The following NAV2 variants were observed in gnomAD, a reference collection of about 807,000 sequenced individuals.
The protein encoded by NAV2 is neuron navigator 2, also known as helicase, APC down-regulated 1.
NAV2 carries 54 observed loss-of-function variants against 223.2 expected under a neutral mutation model. The observed-to-expected ratio is 0.24, with a 90% CI of 0.19 to 0.30. The LOEUF (loss-of-function observed/expected upper bound fraction) is 0.30, where lower values mean the gene tolerates loss of function less well. Among genes scored for constraint, NAV2 ranks in the 10% least tolerant of loss-of-function variants. NAV2 has a pLI of 1.00. For missense variants in NAV2, 2,806 were observed against 3,147.5 expected, an observed-to-expected ratio of 0.89 and a Z score of 2.60; for synonymous variants, 1,279 against 1,239.3, an observed-to-expected ratio of 1.03 and a Z score of -0.67.
intron 6 of NAV2, among the ~76,000 whole-genome samples, chr11:19,921,141 A>G (rs1013128910): frequency 2.0e-5 from 3 of 152,208 alleles, no homozygotes; most frequent in Non-Finnish European, 4.4e-5. Flanking sequence ...TGTGTGGATC[A>G]GTCACATCCG....
At chr11:19,544,730 G>A (rs567466427) in intron 1 of NAV2, among the ~76,000 whole-genome samples, 58 of 152,326 alleles carry the variant, frequency 3.8e-4, no homozygotes, top group African/African-American at 1.4e-3. Context: ...AAAGTAAGAA[G>A]GGAATTAGGG....
intron 1 of NAV2, among the ~76,000 whole-genome samples, chr11:19,707,712 T>C (rs1012753330): frequency 6.6e-6 from 1 of 152,202 alleles, no homozygotes; most frequent in African/African-American, 2.4e-5. Flanking sequence ...ATCAAGTATT[T>C]ATCATCAACT....
intron 1 of NAV2, chr11:19,575,214 G>A (rs1380769113): frequency 6.5e-6 from 1 of 153,874 alleles, no homozygotes; most frequent in East Asian, 1.9e-4. Flanking sequence ...ACAGATGCTG[G>A]TTTAAATTAG....
chr11:19,397,115 C>T (rs1332098233), intron 1 of NAV2, among the ~76,000 whole-genome samples: 1 of 152,002 alleles, frequency 6.6e-6, no homozygotes, highest in Non-Finnish European at 1.5e-5. Context: ...TTGGCATGGC[C>T]GGGAGAAAAC....
chr11:19,570,775 A>C (rs1197664361), intron 1 of NAV2, among the ~76,000 whole-genome samples: 2 of 152,240 alleles, frequency 1.3e-5, no homozygotes, highest in African/African-American at 4.8e-5. Flanking sequence ...ATTTTTAAAA[A>C]ATTGAAAATA....
chr11:20,026,678 A>G (rs996200218), intron 11 of NAV2, among the ~76,000 whole-genome samples: 8 of 152,232 alleles, frequency 5.3e-5, no homozygotes, highest in Admixed American at 1.3e-4. Flanking sequence ...AGTCCTTCAA[A>G]GTCTAATGAA....
chr11:19,603,756 A>G (rs2046409760), intron 1 of NAV2, among the ~76,000 whole-genome samples: 1 of 152,122 alleles, frequency 6.6e-6, no homozygotes, highest in Non-Finnish European at 1.5e-5. Flanking sequence ...AGGAACAAAG[A>G]TGTATAACAT....
chr11:19,804,680 A>T (rs1179902531), intron 1 of NAV2, among the ~76,000 whole-genome samples: 2 of 152,144 alleles, frequency 1.3e-5, no homozygotes, highest in Non-Finnish European at 2.9e-5. Flanking sequence ...CATCCATCTG[A>T]TAGACATTTA....
chr11:19,842,871 C>A lies in NAV2; in HGVS notation c.386C>A (p.Ala129Glu). The part of the protein sequence containing the change: ...VLLAQIIQVV[A>E]NEKIEDINGC... The stretch of plus-strand genomic sequence containing the variant: ...TTCTGACTTGTGTTTCCTTTTTCAG[C>A]AAATGAAAAGATTGAAGACATCAAT... The change falls in exon 3 of 38, where the codon GCA becomes GAA. Residue 129 changes from alanine to glutamate, a missense_variant and splice_region_variant. Coordinates refer to ENST00000349880, the MANE Select transcript of NAV2 (RefSeq NM_145117.5). The A allele has an allele frequency of 1.9e-6, 3 of 1,613,672 alleles. No individual in the cohort carries two copies. The highest frequency in any genetic ancestry group is 2.5e-6 in the Non-Finnish European group (3 of 1,179,674).
intron 26 of NAV2, among the ~76,000 whole-genome samples, chr11:20,085,060 G>A (rs1366070815): frequency 8.7e-6 from 1 of 115,472 alleles, no homozygotes; most frequent in Admixed American, 8.3e-5. Flanking sequence ...CAGGCATGGT[G>A]TTGCATACTT....
At chr11:19,668,985 A>G (rs1249144826) in intron 1 of NAV2, among the ~76,000 whole-genome samples, 1 of 152,140 alleles carries the variant, frequency 6.6e-6, no homozygotes, top group Non-Finnish European at 1.5e-5. Context: ...TTCTCTTGGG[A>G]TGCCAGCAAA....
chr11:19,552,298 G>A (rs1049983667), intron 1 of NAV2, among the ~76,000 whole-genome samples: 1 of 152,228 alleles, frequency 6.6e-6, no homozygotes, highest in African/African-American at 2.4e-5. Flanking sequence ...CACCAGAGGG[G>A]AGGCGTGTGA....
intron 1 of NAV2, among the ~76,000 whole-genome samples, chr11:19,389,902 A>C (rs974789746): frequency 6.6e-6 from 1 of 152,180 alleles, no homozygotes; most frequent in Non-Finnish European, 1.5e-5. Flanking sequence ...AGCTGGTCAG[A>C]CCAGGAAAAC....
At chr11:19,880,854 A>G (rs1021242263) in intron 5 of NAV2, among the ~76,000 whole-genome samples, 12 of 152,256 alleles carry the variant, frequency 7.9e-5, no homozygotes, top group Non-Finnish European at 1.5e-4. Context: ...TGGTAGAAAA[A>G]AAAGGAAGAC....
intron 1 of NAV2, among the ~76,000 whole-genome samples, chr11:19,366,659 A>C (rs1848295572): frequency 6.6e-6 from 1 of 152,184 alleles, no homozygotes; most frequent in Non-Finnish European, 1.5e-5. Flanking sequence ...CAGTGGAACC[A>C]TATGCAAATC....
At chr11:19,471,016 A>G (rs1045463309) in intron 1 of NAV2, among the ~76,000 whole-genome samples, 7 of 152,184 alleles carry the variant, frequency 4.6e-5, no homozygotes, top group Non-Finnish European at 1.0e-4. Flanking sequence ...AAGAGATAAA[A>G]TCAACCACCT....
chr11:20,075,893 C>A lies in NAV2; in HGVS notation c.4984-1659C>A, dbSNP rs1027243229. Reference sequence around the variant, plus strand: ...ATCTCCCAAGCTCCTCCCATATATCCTCTGCCCTTCTCATCCCTCTTGCAG... The same window carrying A: ...ATCTCCCAAGCTCCTCCCATATATCATCTGCCCTTCTCATCCCTCTTGCAG... On this transcript the variant is annotated intron_variant, in intron 22 of 37. Coordinates refer to ENST00000349880, the MANE Select transcript of NAV2 (RefSeq NM_145117.5). 6.6e-5 allele frequency among the ~76,000 whole-genome samples: 10 copies of A among 152,026 alleles called. No homozygotes were observed. In the East Asian group the frequency reaches 1.7e-3, roughly 27 times the overall value.
intron 1 of NAV2, among the ~76,000 whole-genome samples, chr11:19,766,468 G>A (rs747865528): frequency 3.9e-5 from 6 of 152,234 alleles, no homozygotes; most frequent in Non-Finnish European, 4.4e-5. Context: ...TAAGTGCTGA[G>A]TGGAGCCAGT....
At chr11:19,776,237 C>A (rs2056141241) in intron 1 of NAV2, among the ~76,000 whole-genome samples, 1 of 152,138 alleles carries the variant, frequency 6.6e-6, no homozygotes, top group South Asian at 2.1e-4. Context: ...GATTCTTGAG[C>A]CTTTTCAGGA....
Sources: gnomAD v4.1 joint callset for allele counts (sites outside exome capture counted in the v4.1 genomes callset) on GRCh38, gnomAD v4.1.1 for gene constraint, MANE v1.5 for transcripts, NCBI Gene and HGNC (gene_info 2026-07-23, HGNC 2026-07-21) for gene names.